Variants in MTMR12 observed in about 807,000 individuals in gnomAD.
MTMR12 encodes myotubularin related protein 12, also known as myotubularin-related protein 12.
A neutral mutation model predicts 96.7 loss-of-function variants in MTMR12; 33 were observed. That is an observed-to-expected ratio of 0.34 (90% CI 0.26 to 0.46). MTMR12 has a LOEUF of 0.46. Ranked by LOEUF, MTMR12 falls within the 20% of genes least tolerant of loss-of-function variation. MTMR12 has a pLI of 1.00. For missense variants in MTMR12, 721 were observed against 896.1 expected (o/e 0.80, Z 2.49); for synonymous variants, 298 against 327.2 (o/e 0.91, Z 0.96).
chr5:32,246,227 C>T (rs1032733628), intron 10 of MTMR12, among the ~76,000 whole-genome samples: 11 of 148,688 alleles, frequency 7.4e-5, no homozygotes, highest in East Asian at 5.9e-4. Flanking sequence ...AGAGCAGTAG[C>T]GTGATCTTGG....
chr5:32,312,395 A>AGGCCCCGTTGGGGGCTCCGACCC lies in MTMR12; in HGVS notation c.81+340_81+362dup, dbSNP rs1751632570. Among the ~76,000 whole-genome samples the AGGCCCCGTTGGGGGCTCCGACCC allele has an allele frequency of 6.6e-6, 1 of 152,150 alleles. No homozygotes were observed. Among genetic ancestry groups the AGGCCCCGTTGGGGGCTCCGACCC allele is most frequent in the Admixed American group, 6.5e-5 (1 of 15,282 alleles). On this transcript the variant is annotated intron_variant, in intron 1 of 15. Coordinates refer to ENST00000382142, the MANE Select transcript of MTMR12 (RefSeq NM_001040446.3). This position sits in a 1 kb window ranked among gnomAD's most constrained non-coding sequence, Gnocchi z 5.0. Reference sequence around the variant, plus strand: ...GGACGGACCCACGCGGGCTCCGAGCAGGCCCCGTTGGGGGCTCCGACCCAC... The same window carrying AGGCCCCGTTGGGGGCTCCGACCC: ...GGACGGACCCACGCGGGCTCCGAGCAGGCCCCGTTGGGGGCTCCGACCCGGCCCCGTTGGGGGCTCCGACCCAC...
In MTMR12 at chr5:32,246,170, G is replaced by GTTGTTTTTTTTTTGT. The variant is rs1748675176; in HGVS notation, c.1021+1831_1021+1832insACAAAAAAAAAACAA. ...GGTTTCGGTGCCTATTGAGTAGACA[G>GTTGTTTTTTTTTTGT]TTTTTTTTTTTTTTGAGATGGAGTC... On this transcript the variant is annotated intron_variant, in intron 10 of 15. Coordinates refer to ENST00000382142, the MANE Select transcript of MTMR12 (RefSeq NM_001040446.3). Among the ~76,000 whole-genome samples the GTTGTTTTTTTTTTGT allele has an allele frequency of 1.4e-4, 12 of 82,822 alleles. No individual in the cohort carries two copies. The South Asian group carries it at 3.4e-3, about 23-fold the overall frequency. The allele number at this position is 82,822 out of a possible 152,430, so 54.3% of individuals were successfully genotyped here. A position where few individuals can be genotyped will look rare whatever the true frequency, so the allele number is the denominator to read the frequency against.
Position 32,270,957 on chromosome 5 carries a change from A to C in MTMR12, c.359-10T>G. ...TTTTTCTCATCAAACACTACAGATC[A>C]GCAATGAAATCAGGAAGGGAAATTA... On this transcript the variant is annotated splice_polypyrimidine_tract_variant and intron_variant, in intron 4 of 15. Coordinates refer to ENST00000382142, the MANE Select transcript of MTMR12 (RefSeq NM_001040446.3). The C allele has an allele frequency of 6.2e-7, 1 of 1,600,484 alleles. No individual in the cohort carries two copies. The highest frequency in any genetic ancestry group is 8.5e-7 in the Non-Finnish European group (1 of 1,175,044).
chr5:32,296,460 C>G (rs1261481821), intron 1 of MTMR12: 3 of 360,808 alleles, frequency 8.3e-6, no homozygotes, highest in African/African-American at 4.3e-5. Context: ...GTCTGGGCAA[C>G]AGAGCAAGAC....
At chr5:32,240,728 G>A (rs1748436023) in intron 12 of MTMR12, among the ~76,000 whole-genome samples, 1 of 152,104 alleles carries the variant, frequency 6.6e-6, no homozygotes, top group African/African-American at 2.4e-5. Flanking sequence ...AGCCTCCCGA[G>A]TAGCCAGGAC....
intron 14 of MTMR12, 29 bp downstream of exon 14, chr5:32,234,933 A>C (rs750212129): frequency 6.3e-7 from 1 of 1,578,336 alleles, no homozygotes. Context: ...AGCCTCTTTA[A>C]TACACAGGTT....
At chr5:32,258,645 G>A (rs1406015469) in intron 7 of MTMR12, among the ~76,000 whole-genome samples, 2 of 152,088 alleles carry the variant, frequency 1.3e-5, no homozygotes, top group Admixed American at 6.6e-5. Context: ...AGCCTCCAGC[G>A]ATTAGACACA....
chr5:32,308,600 T>C (rs2910884), intron 1 of MTMR12, among the ~76,000 whole-genome samples: 49,010 of 151,578 alleles, frequency 0.32, 8,090 homozygotes, highest in Middle Eastern at 0.44. Flanking sequence ...CCTTCCTACC[T>C]TTATCTTCTT....
chr5:32,311,590 A>G (rs1431400545), intron 1 of MTMR12, among the ~76,000 whole-genome samples: 2 of 152,232 alleles, frequency 1.3e-5, no homozygotes, highest in African/African-American at 4.8e-5. Flanking sequence ...AGAAGGGCAG[A>G]AAAAAACCTT....
intron 7 of MTMR12, among the ~76,000 whole-genome samples, chr5:32,259,951 G>A (rs1350298283): frequency 2.0e-5 from 3 of 150,350 alleles, no homozygotes; most frequent in East Asian, 2.0e-4. Flanking sequence ...CAGGAGAATC[G>A]CTTGAACCTG....
At chr5:32,231,646 T>C (rs1208108490) in intron 15 of MTMR12, among the ~76,000 whole-genome samples, 2 of 152,160 alleles carry the variant, frequency 1.3e-5, no homozygotes, top group Non-Finnish European at 2.9e-5. Flanking sequence ...TTATGAAATA[T>C]GGAATAACAA....
chr5:32,310,604 T>C, intron 1 of MTMR12, among the ~76,000 whole-genome samples: 1 of 151,730 alleles, frequency 6.6e-6, no homozygotes, highest in East Asian at 1.9e-4. Flanking sequence ...AATTAAAACA[T>C]TTGAACTCAT....
intron 13 of MTMR12, among the ~76,000 whole-genome samples, chr5:32,236,818 C>T (rs1241936879): frequency 6.7e-6 from 1 of 149,076 alleles, no homozygotes; most frequent in African/African-American, 2.5e-5. Context: ...GCCTGGGCAA[C>T]ACGAGCGAAA....
chr5:32,237,922 C>G (rs1748302173), intron 13 of MTMR12, among the ~76,000 whole-genome samples: 1 of 151,560 alleles, frequency 6.6e-6, no homozygotes, highest in South Asian at 2.1e-4. Flanking sequence ...GCAGGTGGGT[C>G]ACTTGAGGTC....
intron 1 of MTMR12, chr5:32,296,288 G>C (rs998121992): frequency 6.3e-6 from 1 of 159,356 alleles, no homozygotes; most frequent in African/African-American, 2.4e-5. Context: ...AGATCAGCCT[G>C]GGTAACATAG....
At chr5:32,266,540 T>C (rs1749600414) in intron 6 of MTMR12, among the ~76,000 whole-genome samples, 1 of 150,792 alleles carries the variant, frequency 6.6e-6, no homozygotes, top group African/African-American at 2.4e-5. Context: ...ATACAAAAAT[T>C]AGCCACATGT....
chr5:32,240,548 T>C (rs951238002), intron 12 of MTMR12, among the ~76,000 whole-genome samples: 1 of 152,172 alleles, frequency 6.6e-6, no homozygotes, highest in African/African-American at 2.4e-5. Context: ...TGGGATGACA[T>C]GGGTTACAGA....
chr5:32,250,569 A>C (rs1026119076), intron 8 of MTMR12, among the ~76,000 whole-genome samples: 2 of 152,230 alleles, frequency 1.3e-5, no homozygotes, highest in African/African-American at 4.8e-5. Flanking sequence ...TTTGGTGCCC[A>C]GGCAATTGTG....
chr5:32,298,092 T>C (rs1178086108), intron 1 of MTMR12, among the ~76,000 whole-genome samples: 1 of 152,212 alleles, frequency 6.6e-6, no homozygotes, highest in Non-Finnish European at 1.5e-5. Context: ...TGGAGGGCTC[T>C]TAAATGGGAA....
Sources: gnomAD v4.1 joint callset for allele counts (sites outside exome capture counted in the v4.1 genomes callset) on GRCh38, gnomAD v4.1.1 for gene constraint, Gnocchi (gnomAD v3.1) non-coding constraint, MANE v1.5 for transcripts, NCBI Gene and HGNC (gene_info 2026-07-23, HGNC 2026-07-21) for gene names.